The following PCDHGA1 variants were observed in gnomAD, a reference collection of about 807,000 sequenced individuals.
PCDHGA1 encodes protocadherin gamma subfamily A, 1.
In PCDHGA1, 32 loss-of-function variants were observed where a neutral mutation model predicts 58.0. The ratio of observed to expected loss-of-function variants is 0.55; its 90% CI spans 0.42 to 0.74. PCDHGA1 has a LOEUF of 0.74. PCDHGA1 is among the 30% of genes least tolerant of loss of function. The probability of loss-of-function intolerance (pLI) is 0.00; values close to 1 mark genes in which losing one functional copy is unlikely to be tolerated. For synonymous variants in PCDHGA1, 498 were observed against 501.1 expected (o/e 0.99, Z 0.08); for missense variants, 1,205 against 1,182.3 (o/e 1.02, Z -0.28).
intron 1 of PCDHGA1, chr5:141,357,234 C>T: frequency 6.2e-7 from 1 of 1,613,880 alleles, no homozygotes; most frequent in Non-Finnish European, 8.5e-7. Flanking sequence ...TGGGCAGCCT[C>T]AAGCCTTCAG....
chr5:141,451,408 T>C (rs1244686397), intron 1 of PCDHGA1, among the ~76,000 whole-genome samples: 1 of 152,204 alleles, frequency 6.6e-6, no homozygotes, highest in Non-Finnish European at 1.5e-5. Flanking sequence ...ATTAAGTTCC[T>C]TGTGGATTGT....
chr5:141,362,454 A>G (rs1762511081), intron 1 of PCDHGA1: 1 of 1,614,056 alleles, frequency 6.2e-7, no homozygotes, highest in Non-Finnish European at 8.5e-7. Flanking sequence ...TAACCCCGGA[A>G]TTGGTTCCCG....
At chr5:141,510,402 G>A (rs2099880998) in intron 3 of PCDHGA1, among the ~76,000 whole-genome samples, 1 of 152,008 alleles carries the variant, frequency 6.6e-6, no homozygotes, top group African/African-American at 2.4e-5. Flanking sequence ...GCAAAGGCTA[G>A]GGGCATGTAA....
intron 1 of PCDHGA1, chr5:141,383,459 A>G: frequency 6.2e-7 from 1 of 1,613,900 alleles, no homozygotes; most frequent in Non-Finnish European, 8.5e-7. Context: ...AGTGGAGACG[A>G]TGAAACTAAG....
At chr5:141,455,185 T>C (rs1334330699) in intron 1 of PCDHGA1, among the ~76,000 whole-genome samples, 1 of 152,064 alleles carries the variant, frequency 6.6e-6, no homozygotes, top group Admixed American at 6.6e-5. Flanking sequence ...TTTTTATTTC[T>C]CTACAAATTT....
At chr5:141,346,480 T>C in intron 1 of PCDHGA1, 1 of 1,613,508 alleles carries the variant, frequency 6.2e-7, no homozygotes, top group Admixed American at 1.7e-5. Flanking sequence ...ATTTCTTTGA[T>C]TATTAAGAAC....
intron 1 of PCDHGA1, among the ~76,000 whole-genome samples, chr5:141,430,357 T>C (rs1258305414): frequency 1.3e-5 from 2 of 149,904 alleles, no homozygotes; most frequent in Non-Finnish European, 3.0e-5. Context: ...ATTTAAAAGC[T>C]CATTGGGGAA....
chr5:141,340,154 G>C, intron 1 of PCDHGA1: 1 of 1,614,188 alleles, frequency 6.2e-7, no homozygotes, highest in Non-Finnish European at 8.5e-7. Context: ...TTTTAAGTTA[G>C]AAAAGTCAGT....
At chr5:141,407,535 T>C (rs1471174995) in intron 1 of PCDHGA1, among the ~76,000 whole-genome samples, 1 of 151,840 alleles carries the variant, frequency 6.6e-6, no homozygotes, top group Non-Finnish European at 1.5e-5. Context: ...TTATTGTGCA[T>C]TGGTAACAGA....
chr5:141,454,796 A>ATTTTTTTTTTTTTT lies in PCDHGA1; in HGVS notation c.2422-39995_2422-39982dup, dbSNP rs61612330. ...AAGGAAATAATCCTCCATGGTTCTA[A>ATTTTTTTTTTTTTT]TTTTTTTTTTTTTTTTTTTTTTTTT... On this transcript the variant is annotated intron_variant, in intron 1 of 3. Coordinates refer to ENST00000517417, the MANE Select transcript of PCDHGA1 (RefSeq NM_018912.3). 1.1e-3 allele frequency among the ~76,000 whole-genome samples: 87 copies of ATTTTTTTTTTTTTT among 77,456 alleles called. 11 individuals carry two copies. The highest frequency in any genetic ancestry group is 1.4e-3 in the Admixed American group (8 of 5,554). The allele number at this position is 77,456 out of a possible 152,430, so 50.8% of individuals were successfully genotyped here.
intron 1 of PCDHGA1, chr5:141,426,675 C>T: frequency 2.3e-6 from 1 of 431,942 alleles, no homozygotes; most frequent in South Asian, 1.6e-5. Flanking sequence ...TAACCCACCT[C>T]ATTTTCCCCA....
intron 1 of PCDHGA1, chr5:141,377,007 T>G (rs985572001): frequency 6.4e-6 from 1 of 155,470 alleles, no homozygotes; most frequent in Non-Finnish European, 1.4e-5. Context: ...TTTTTATTGG[T>G]TGACAGGAAA....
rs528172004 is a variant in PCDHGA1 at position 141,370,968 on chromosome 5, C to G, written c.2421+37863C>G. The G allele has an allele frequency of 1.1e-3, 1,752 of 1,613,966 alleles. 34 individuals are homozygous for G. In the South Asian group the frequency reaches 0.018, roughly 17 times the overall value. On this transcript the variant is annotated intron_variant, in intron 1 of 3. Coordinates refer to ENST00000517417, the MANE Select transcript of PCDHGA1 (RefSeq NM_018912.3). Reference sequence around the variant, plus strand: ...GGAGAACCTGGATGGCAGTAGGTACCCAGAGCTAGTACTGAAAGCACCCCT... The same window carrying G: ...GGAGAACCTGGATGGCAGTAGGTACGCAGAGCTAGTACTGAAAGCACCCCT...
At position 141,489,258 on chromosome 5, in the gene PCDHGA1, C is replaced by T. The variant is rs1594800449; in HGVS notation, c.2422-5549C>T. 3.2e-6 allele frequency: 5 copies of T among 1,551,530 alleles called. No individual in the cohort carries two copies. Among genetic ancestry groups the T allele is most frequent in the African/African-American group, 1.4e-5 (1 of 73,276 alleles). On this transcript the variant is annotated intron_variant, in intron 1 of 3. Coordinates refer to ENST00000517417, the MANE Select transcript of PCDHGA1 (RefSeq NM_018912.3). This position sits in a 1 kb window ranked among gnomAD's most constrained non-coding sequence, Gnocchi z 4.5. Reference sequence around the variant, plus strand: ...TCTGGGTCATGGGGCCCAAGACACTCCCACAGCTCGCTGGGAAATGGCAAG... The same window carrying T: ...TCTGGGTCATGGGGCCCAAGACACTTCCACAGCTCGCTGGGAAATGGCAAG...
In PCDHGA1 at chr5:141,339,602, G is replaced by A. The variant is rs201113857; in HGVS notation, c.2421+6497G>A. On this transcript the variant is annotated intron_variant, in intron 1 of 3. Coordinates refer to ENST00000517417, the MANE Select transcript of PCDHGA1 (RefSeq NM_018912.3). ...CGAGGAAGAGGCTGTTCACCACCTCGTTCTCGTGGCTTCTGATGGGGGTGA... is the reference window on the plus strand; with the variant it reads ...CGAGGAAGAGGCTGTTCACCACCTCATTCTCGTGGCTTCTGATGGGGGTGA... 1.1e-5 allele frequency: 17 copies of A among 1,614,210 alleles called. No individual in the cohort carries two copies. The African/African-American group carries it at 1.7e-4, about 16-fold the overall frequency.
Position 141,490,532 on chromosome 5 carries a change from C to T in PCDHGA1, c.2422-4275C>T. Reference sequence around the variant, plus strand: ...GAGCTGCTGGCCAGCGATGCTGGTTCACCTTCCCTACACAAACATCTCACC... The same window carrying T: ...GAGCTGCTGGCCAGCGATGCTGGTTTACCTTCCCTACACAAACATCTCACC... On this transcript the variant is annotated intron_variant, in intron 1 of 3. Coordinates refer to ENST00000517417, the MANE Select transcript of PCDHGA1 (RefSeq NM_018912.3). This position sits in a 1 kb window ranked among gnomAD's most constrained non-coding sequence, Gnocchi z 5.4. 6.2e-7 allele frequency: 1 copy of T among 1,614,142 alleles called. No homozygotes were observed. Among genetic ancestry groups the T allele is most frequent in the Non-Finnish European group, 8.5e-7 (1 of 1,180,030 alleles).
At position 141,394,582 on chromosome 5, in the gene PCDHGA1, A is replaced by C. The variant is rs1459158771; in HGVS notation, c.2421+61477A>C. The C allele has an allele frequency of 2.5e-6, 4 of 1,613,598 alleles. No individual in the cohort carries two copies. In the African/African-American group the frequency reaches 4.0e-5, roughly 16 times the overall value. ...GCAGAGCGTGGCTACCTGGTGACCA[A>C]GGTGGTGGCGGTGGACAGAGACTCG... On this transcript the variant is annotated intron_variant, in intron 1 of 3. Coordinates refer to ENST00000517417, the MANE Select transcript of PCDHGA1 (RefSeq NM_018912.3).
In PCDHGA1 at chr5:141,331,098, G is replaced by A; in HGVS notation, c.414G>A (p.Leu138=). ...DNTPQFQLEE[L]EFKMNEITTP... ...CTCCCCAATTCCAGTTAGAGGAACT[G>A]GAGTTTAAAATGAATGAAATAACGA... Residue 138 remains leucine, a synonymous_variant, in exon 1 of 4, where the codon CTG becomes CTA. Transcript: ENST00000517417. 1 of 1,613,868 alleles carries A rather than the reference G, an allele frequency of 6.2e-7. No homozygotes were observed. The highest frequency in any genetic ancestry group is 8.5e-7 in the Non-Finnish European group (1 of 1,179,948).
chr5:141,422,485 A>G, intron 1 of PCDHGA1: 2 of 1,613,980 alleles, frequency 1.2e-6, no homozygotes, highest in Non-Finnish European at 1.7e-6. Context: ...CCAGAGCTAC[A>G]ATATAACGTT....
Sources: gnomAD v4.1 joint callset for allele counts (sites outside exome capture counted in the v4.1 genomes callset) on GRCh38, gnomAD v4.1.1 for gene constraint, Gnocchi (gnomAD v3.1) non-coding constraint, MANE v1.5 for transcripts, NCBI Gene and HGNC (gene_info 2026-07-23, HGNC 2026-07-21) for gene names.